Variants in MPHOSPH6 observed in about 807,000 individuals in gnomAD.
The protein encoded by MPHOSPH6 is M-phase phosphoprotein 6.
MPHOSPH6 carries 25 observed loss-of-function variants against 21.8 expected under a neutral mutation model. The ratio of observed to expected loss-of-function variants is 1.15; its 90% confidence interval spans 0.83 to 1.60. The LOEUF (loss-of-function observed/expected upper bound fraction) is 1.60, where lower values mean the gene tolerates loss of function less well. MPHOSPH6 is among the 40% of genes most tolerant of loss of function. The pLI is 0.00. For missense variants in MPHOSPH6, 269 were observed against 181.8 expected (o/e 1.48, Z -2.76); for synonymous variants, 84 against 56.5 (o/e 1.49, Z -2.18).
chr16:82,159,014 T>C (rs905116876), intron 2 of MPHOSPH6, among the ~76,000 whole-genome samples: 14 of 152,230 alleles, frequency 9.2e-5, no homozygotes, highest in African/African-American at 2.9e-4. Context: ...GATTCCACGT[T>C]GCAATTTACT....
At chr16:82,159,441 G>T (rs1210042558) in intron 2 of MPHOSPH6, among the ~76,000 whole-genome samples, 1 of 151,734 alleles carries the variant, frequency 6.6e-6, no homozygotes, top group African/African-American at 2.4e-5. Context: ...GTCTCATTCT[G>T]TTGCCCAGGC....
chr16:82,152,279 T>C (rs1237865019), intron 2 of MPHOSPH6, among the ~76,000 whole-genome samples: 2 of 152,140 alleles, frequency 1.3e-5, no homozygotes, highest in African/African-American at 2.4e-5. Context: ...TCTTTAGTGG[T>C]GACTTCTGAG....
At chr16:82,154,936 C>CT (rs1285343870) in intron 2 of MPHOSPH6, among the ~76,000 whole-genome samples, 4 of 152,154 alleles carry the variant, frequency 2.6e-5, no homozygotes, top group African/African-American at 9.7e-5. Context: ...AGTCTAATAT[C>CT]TTTTTTAAAT....
intron 2 of MPHOSPH6, among the ~76,000 whole-genome samples, chr16:82,162,057 G>A (rs1906624029): frequency 6.6e-6 from 1 of 152,210 alleles, no homozygotes; most frequent in African/African-American, 2.4e-5. Flanking sequence ...CAGATATAAG[G>A]AAATACACAC....
intron 1 of MPHOSPH6, among the ~76,000 whole-genome samples, chr16:82,166,808 C>G (rs530907311): frequency 6.6e-6 from 1 of 152,250 alleles, no homozygotes; most frequent in South Asian, 2.1e-4. Flanking sequence ...TTTTTTCTCC[C>G]ATTTAGTCAT....
At chr16:82,151,391 A>G (rs1906259633) in intron 3 of MPHOSPH6, 33 bp downstream of exon 3, 9 of 1,599,424 alleles carry the variant, frequency 5.6e-6, no homozygotes, top group Non-Finnish European at 7.7e-6. Flanking sequence ...TCAATTGGAA[A>G]AATTTTTAAT....
intron 2 of MPHOSPH6, among the ~76,000 whole-genome samples, chr16:82,154,710 G>A (rs766731307): frequency 4.6e-5 from 7 of 151,740 alleles, no homozygotes; most frequent in Non-Finnish European, 1.0e-4. Flanking sequence ...GTGAAAAACT[G>A]GATCAGTCCT....
At chr16:82,168,502 C>A (rs1459833009) in intron 1 of MPHOSPH6, among the ~76,000 whole-genome samples, 1 of 147,948 alleles carries the variant, frequency 6.8e-6, no homozygotes, top group Non-Finnish European at 1.5e-5. Flanking sequence ...ACAGGGTCTC[C>A]CTGTGTCACC....
chr16:82,154,984 G>C (rs764739500), intron 2 of MPHOSPH6, among the ~76,000 whole-genome samples: 9 of 152,118 alleles, frequency 5.9e-5, no homozygotes, highest in Non-Finnish European at 1.2e-4. Context: ...TCAGCAAATT[G>C]AATTTAAAAA....
At chr16:82,151,944 A>C (rs16956565) in intron 2 of MPHOSPH6, among the ~76,000 whole-genome samples, 21,822 of 152,250 alleles carry the variant, frequency 0.14, 2,275 homozygotes, top group Admixed American at 0.34. Context: ...AATCATTTTA[A>C]TAAAGTTTCT....
intron 2 of MPHOSPH6, among the ~76,000 whole-genome samples, chr16:82,155,564 T>C (rs926878380): frequency 2.0e-5 from 3 of 152,188 alleles, no homozygotes; most frequent in Non-Finnish European, 2.9e-5. Flanking sequence ...TATATAAAAC[T>C]ATGACAGACT....
intron 3 of MPHOSPH6, among the ~76,000 whole-genome samples, chr16:82,150,230 A>G (rs1473813411): frequency 1.3e-5 from 2 of 151,792 alleles, no homozygotes; most frequent in Non-Finnish European, 2.9e-5. Context: ...GGGCAGTGGC[A>G]CCTCTCCTTT....
At chr16:82,165,110 A>ATTTTTTT (rs1906723920) in intron 1 of MPHOSPH6, among the ~76,000 whole-genome samples, 5 of 79,944 alleles carry the variant, frequency 6.3e-5, no homozygotes, top group African/African-American at 1.2e-4. Context: ...CAGGTCCGAT[A>ATTTTTTT]TTTCTTTTTT....
Position 82,164,208 on chromosome 16 carries a change from C to G in MPHOSPH6, c.52-14G>C, listed in dbSNP as rs6564993. 75,798 of 1,544,808 alleles carry G rather than the reference C, an allele frequency of 0.049. 6,336 individuals carry two copies. Among genetic ancestry groups the G allele is most frequent in the African/African-American group, 0.37 (26,881 of 72,920 alleles). ...CCTTTGCATAAACTGTGAAAACAAA[C>G]AAAATCAATGTCAGAAACTTTTCCC... On this transcript the variant is annotated splice_polypyrimidine_tract_variant and intron_variant, in intron 1 of 4. Transcript: ENST00000258169.
chr16:82,163,917 G>C, intron 2 of MPHOSPH6, 165 bp downstream of exon 2: 1 of 553,794 alleles, frequency 1.8e-6, no homozygotes. Context: ...ATAAATCCAT[G>C]TACAACTTCT....
Position 82,148,585 on chromosome 16 carries a change from T to G in MPHOSPH6, c.*146A>C. ...GTACAACATCCATCACACATCTGTT[T>G]CAAAAACAGCATGTTTCTAAAATGA... On this transcript the variant is annotated 3_prime_UTR_variant, in exon 5 of 5. Transcript: ENST00000258169. 1 of 1,079,902 alleles carries G rather than the reference T, an allele frequency of 9.3e-7. No individual in the cohort carries two copies. Among genetic ancestry groups the G allele is most frequent in the Non-Finnish European group, 1.3e-6 (1 of 783,826 alleles). 66.9% of individuals were successfully genotyped at this position (1,079,902 alleles called of 1,614,324 possible). A position where few individuals can be genotyped will look rare whatever the true frequency, so the allele number is the denominator to read the frequency against.
rs1167149446 is a variant in MPHOSPH6, at chr16:82,155,573, C to T, written c.165-4059G>A. ...TTATGATATATAAAACTATGACAGACTTAGAGATAAACAATGCAATAAGCA... is the reference window on the plus strand; with the variant it reads ...TTATGATATATAAAACTATGACAGATTTAGAGATAAACAATGCAATAAGCA... On this transcript the variant is annotated intron_variant, in intron 2 of 4. Transcript: ENST00000258169. Among the ~76,000 whole-genome samples the T allele has an allele frequency of 1.3e-5, 2 of 152,110 alleles. 1 individual carries two copies. The highest frequency in any genetic ancestry group is 2.9e-5 in the Non-Finnish European group (2 of 68,024).
At chr16:82,158,858 T>C (rs574948180) in intron 2 of MPHOSPH6, among the ~76,000 whole-genome samples, 125 of 152,354 alleles carry the variant, frequency 8.2e-4, no homozygotes, top group African/African-American at 2.7e-3. Flanking sequence ...TTTGATATTG[T>C]ATAACAAGAT....
intron 1 of MPHOSPH6, among the ~76,000 whole-genome samples, chr16:82,168,784 C>T (rs1428850948): frequency 2.6e-5 from 4 of 152,174 alleles, no homozygotes; most frequent in Non-Finnish European, 5.9e-5. Flanking sequence ...TCTTTCAAAA[C>T]ATTATGAATG....
Sources: gnomAD v4.1 joint callset for allele counts (sites outside exome capture counted in the v4.1 genomes callset) on GRCh38, gnomAD v4.1.1 for gene constraint, MANE v1.5 for transcripts, NCBI Gene and HGNC (gene_info 2026-07-23, HGNC 2026-07-21) for gene names.